DUOX1: variants seen among roughly 807,000 people sequenced by gnomAD.
DUOX1 encodes the protein dual oxidase 1.
A neutral mutation model predicts 181.8 loss-of-function variants in DUOX1; 134 were observed. The observed-to-expected ratio is 0.74, with a 90% CI of 0.64 to 0.85. DUOX1 has a LOEUF of 0.85. Ranked by LOEUF, DUOX1 falls within the 40% of genes least tolerant of loss-of-function variation. The pLI is 0.00. For synonymous variants in DUOX1, 798 were observed against 832.5 expected (o/e 0.96, Z 0.71); for missense variants, 1,814 against 2,064.4 (o/e 0.88, Z 2.35).
chr15:45,149,857 A>C (rs951849312), intron 21 of DUOX1, among the ~76,000 whole-genome samples: 1 of 152,180 alleles, frequency 6.6e-6, no homozygotes, highest in Non-Finnish European at 1.5e-5. Context: ...AAAAAAAGAG[A>C]TGTTCCTTCA....
At chr15:45,142,161 A>G (rs1438385259) in intron 15 of DUOX1, 49 bp downstream of exon 15, 2 of 1,589,374 alleles carry the variant, frequency 1.3e-6, no homozygotes. Context: ...AAGCTAGGGG[A>G]TGCAGTTTGG....
At chr15:45,152,782 A>G (rs971137270) in intron 25 of DUOX1, 17 of 565,890 alleles carry the variant, frequency 3.0e-5, no homozygotes, top group African/African-American at 2.3e-4. Flanking sequence ...TAATGTGTCA[A>G]TTCTCCCAAT....
At chr15:45,154,045 GT>G in intron 27 of DUOX1, 45 bp downstream of exon 27, 1 of 1,592,654 alleles carries the variant, frequency 6.3e-7, no homozygotes, top group Non-Finnish European at 8.6e-7. Context: ...CTGACTGTGA[GT>G]TCAAGGCTCT....
At chr15:45,157,696 A>G (rs777663369) in intron 28 of DUOX1, among the ~76,000 whole-genome samples, 24 of 152,032 alleles carry the variant, frequency 1.6e-4, no homozygotes, top group Non-Finnish European at 2.1e-4. Context: ...ACGCACACCT[A>G]TAGTCCTAGC....
rs1159593368 is a variant in DUOX1, at chr15:45,136,521, T to A, written c.926-8T>A. 6.2e-7 allele frequency: 1 copy of A among 1,614,142 alleles called. No homozygotes were observed. Among genetic ancestry groups the A allele is most frequent in the Admixed American group, 1.7e-5 (1 of 60,024 alleles). On this transcript the variant is annotated splice_region_variant and splice_polypyrimidine_tract_variant and intron_variant, in intron 8 of 33. Coordinates refer to ENST00000389037, the MANE Select transcript of DUOX1 (RefSeq NM_175940.3). The stretch of plus-strand genomic sequence containing the variant: ...ATTCTTCTGTCCTCTCTTCTCCTAT[T>A]TCCCCAGGATACCGGCCATTTCTGG...
At chr15:45,153,526 GTGTGTGTGTGTGTGTGTGTGTA>G (rs761556915) in intron 26 of DUOX1, 47 bp downstream of exon 26, 43,864 of 986,084 alleles carry the variant, frequency 0.044, 1,216 homozygotes, top group East Asian at 0.31. Context: ...GTGTGTGTGT[GTGTGTGTGTGTGTGTGTGTGTA>G]TAATGGGGAG....
chr15:45,152,517 G>T lies in DUOX1; in HGVS notation c.3424+1G>T. The T allele has an allele frequency of 6.2e-7, 1 of 1,613,712 alleles. No individual in the cohort carries two copies. Among genetic ancestry groups the T allele is most frequent in the Admixed American group, 1.7e-5 (1 of 60,012 alleles). ...GCCTCCACCGCCATCGTCCTCACAG[G>T]CAGGGCCTGGGTGTCCCTGGGAGGC... is the stretch of plus-strand genomic sequence containing the variant. On this transcript the variant is annotated splice_donor_variant, in intron 25 of 33. Coordinates refer to ENST00000389037, the MANE Select transcript of DUOX1 (RefSeq NM_175940.3). LOFTEE classifies it high-confidence loss of function.
chr15:45,134,412 A>C, intron 4 of DUOX1, 103 bp downstream of exon 4: 1 of 1,282,592 alleles, frequency 7.8e-7, no homozygotes, highest in Non-Finnish European at 1.1e-6. Flanking sequence ...GGAAGGCCTA[A>C]GGGATGAGGG....
chr15:45,158,223 G>A (rs1897010415), intron 28 of DUOX1, among the ~76,000 whole-genome samples: 1 of 152,188 alleles, frequency 6.6e-6, no homozygotes, highest in African/African-American at 2.4e-5. Flanking sequence ...TACTCAGCCT[G>A]TTTGGATGCT....
Position 45,144,918 on chromosome 15 carries a change from A to G in DUOX1, c.2160A>G (p.Glu720=). 6.2e-7 allele frequency: 1 copy of G among 1,612,322 alleles called. No homozygotes were observed. The part of the protein sequence containing the change: ...YDLVLLFNLE[E]ERQALVENLR... ...AGGTGCTGCTGTTTAACTTGGAGGA[A>G]GAGCGGCAGGCGCTGGTGGAAAATC... Residue 720 remains glutamate, a synonymous_variant, in exon 18 of 34, where the codon GAA becomes GAG. Transcript: ENST00000389037.
intron 11 of DUOX1, 34 bp downstream of exon 11, chr15:45,139,202 T>C (rs2141262097): frequency 6.2e-7 from 1 of 1,613,744 alleles, no homozygotes; most frequent in South Asian, 1.1e-5. Context: ...GGTTGTGAAC[T>C]CCTGGCCTCT....
chr15:45,164,713 T>G (rs1897184947), intron 33 of DUOX1, 66 bp from the exon 34 acceptor site: 5 of 1,599,948 alleles, frequency 3.1e-6, no homozygotes, highest in Non-Finnish European at 4.3e-6. Flanking sequence ...TACCCCTTCC[T>G]CTGAACACTG....
Position 45,160,449 on chromosome 15 carries a change from C to T in DUOX1, c.3703-388C>T, listed in dbSNP as rs745496989. 2.8e-4 allele frequency among the ~76,000 whole-genome samples: 42 copies of T among 152,088 alleles called. 1 individual carries two copies. The highest frequency in any genetic ancestry group is 9.7e-4 in the African/African-American group (40 of 41,402). On this transcript the variant is annotated intron_variant, in intron 28 of 33. Coordinates refer to ENST00000389037, the MANE Select transcript of DUOX1 (RefSeq NM_175940.3). ...GCCTTGTAGTGCAATGGGAAGGCCA[C>T]CAAAGCTTTTAAAGCTGGGGATGAA...
chr15:45,155,611 A>G (rs1367833607), intron 27 of DUOX1, 191 bp from the exon 28 acceptor site: 7 of 735,694 alleles, frequency 9.5e-6, no homozygotes, highest in Admixed American at 5.9e-5. Flanking sequence ...AGGGCTATGA[A>G]AAGTGAACAA....
At chr15:45,151,563 C>T (rs1016070020) in intron 23 of DUOX1, among the ~76,000 whole-genome samples, 2 of 152,056 alleles carry the variant, frequency 1.3e-5, no homozygotes, top group African/African-American at 4.8e-5. Flanking sequence ...TGAATATGGG[C>T]GCCGGGTGGG....
At chr15:45,157,794 G>A (rs1347491270) in intron 28 of DUOX1, among the ~76,000 whole-genome samples, 1 of 150,356 alleles carries the variant, frequency 6.7e-6, no homozygotes, top group Non-Finnish European at 1.5e-5. Context: ...ACTCTACCCT[G>A]GGCAACAGAT....
In DUOX1 at chr15:45,152,479, C is replaced by T. The variant is rs971207890; in HGVS notation, c.3387C>T (p.Phe1129=). The T allele has an allele frequency of 1.2e-6, 2 of 1,614,160 alleles. No homozygotes were observed. Among genetic ancestry groups the T allele is most frequent in the Non-Finnish European group, 1.7e-6 (2 of 1,180,020 alleles). The change falls in exon 25 of 34, where the codon TTC becomes TTT. Residue 1129 remains phenylalanine, a synonymous_variant. Coordinates refer to ENST00000389037, the MANE Select transcript of DUOX1 (RefSeq NM_175940.3). Reference sequence around the variant, plus strand: ...TGCCCTTCGACGCCGCCGTGGACTTCCATCGCCTCATTGCCTCCACCGCCA... The same window carrying T: ...TGCCCTTCGACGCCGCCGTGGACTTTCATCGCCTCATTGCCTCCACCGCCA... ...RYVPFDAAVD[F]HRLIASTAIV... is the part of the protein sequence containing the mutation.
chr15:45,160,723 G>A (rs137973225), intron 28 of DUOX1, 114 bp from the exon 29 acceptor site: 189 of 1,219,794 alleles, frequency 1.5e-4, no homozygotes, highest in South Asian at 4.5e-4. Flanking sequence ...GGTACGTGGT[G>A]AGGTGGGGGC....
rs1896474092 is a variant in DUOX1 at position 45,140,973 on chromosome 15, CACCGGG to C, written c.1472_1477del (p.Arg491_Asp492del). 1 of 1,614,180 alleles carries C rather than the reference CACCGGG, an allele frequency of 6.2e-7. No individual in the cohort carries two copies. The highest frequency in any genetic ancestry group is 8.5e-7 in the Non-Finnish European group (1 of 1,180,024). On this transcript the variant is annotated inframe_deletion, in exon 13 of 34. Coordinates refer to ENST00000389037, the MANE Select transcript of DUOX1 (RefSeq NM_175940.3). ...GCTCCCTGGGGGACTCCTGGAGAGC[CACCGGG>C]ACCCTGGACCTCTGTTCAGCACCAT...
Sources: allele counts gnomAD v4.1 joint callset (sites outside exome capture counted in the v4.1 genomes callset), GRCh38; gene constraint gnomAD v4.1.1; transcripts MANE v1.5; gene names NCBI Gene and HGNC (gene_info 2026-07-23, HGNC 2026-07-21).